The following ERC2 variants were observed in gnomAD, a reference collection of about 807,000 sequenced individuals.
ERC2 encodes ELKS/RAB6-interacting/CAST family member 2.
A neutral mutation model predicts 114.8 loss-of-function variants in ERC2; 42 were observed. The observed-to-expected ratio is 0.37, with a 90% CI of 0.29 to 0.47. ERC2 has a LOEUF of 0.47. Ranked by LOEUF, ERC2 falls within the 20% of genes least tolerant of loss-of-function variation. The pLI, the probability that ERC2 is intolerant of heterozygous loss-of-function variation, is 0.99. For missense variants in ERC2, 939 were observed against 1,150.7 expected (o/e 0.82, Z 2.66); for synonymous variants, 454 against 425.5 (o/e 1.07, Z -0.82).
At chr3:55,594,011 C>A (rs1431828260) in intron 17 of ERC2, among the ~76,000 whole-genome samples, 1 of 152,164 alleles carries the variant, frequency 6.6e-6, no homozygotes, top group Non-Finnish European at 1.5e-5. Flanking sequence ...CATCCTCACC[C>A]TCACTTTCAT....
chr3:56,361,313 A>T, intron 2 of ERC2, among the ~76,000 whole-genome samples: 1 of 152,186 alleles, frequency 6.6e-6, no homozygotes, highest in East Asian at 1.9e-4. Flanking sequence ...CTGACATGAA[A>T]CATGAAGAAA....
At chr3:55,650,664 A>C (rs984483214) in intron 17 of ERC2, among the ~76,000 whole-genome samples, 2 of 152,184 alleles carry the variant, frequency 1.3e-5, no homozygotes, top group Admixed American at 6.5e-5. Flanking sequence ...AGACTGGCAA[A>C]AAGTAGGTGC....
At chr3:56,035,966 A>C (rs1242382563) in intron 7 of ERC2, among the ~76,000 whole-genome samples, 2 of 152,198 alleles carry the variant, frequency 1.3e-5, no homozygotes, top group African/African-American at 4.8e-5. Flanking sequence ...TCCTCAACAA[A>C]AGACTAGCAA....
chr3:56,395,290 A>G (rs148455637), intron 2 of ERC2, among the ~76,000 whole-genome samples: 150 of 152,376 alleles, frequency 9.8e-4, no homozygotes, highest in African/African-American at 3.5e-3. Flanking sequence ...TATGTGAATT[A>G]CATTTCATAA....
intron 14 of ERC2, among the ~76,000 whole-genome samples, chr3:55,765,095 T>C (rs1300339637): frequency 6.6e-6 from 1 of 152,070 alleles, no homozygotes; most frequent in East Asian, 1.9e-4. Flanking sequence ...GAAAAATAGG[T>C]CAAAACTGAG....
intron 11 of ERC2, 148 bp from the exon 12 acceptor site, chr3:55,986,136 A>T: frequency 1.4e-6 from 1 of 712,892 alleles, no homozygotes; most frequent in Non-Finnish European, 2.3e-6. Flanking sequence ...TAAACGAAGC[A>T]AACTTTTATC....
At chr3:55,639,676 C>A (rs554415048) in intron 17 of ERC2, among the ~76,000 whole-genome samples, 1 of 152,148 alleles carries the variant, frequency 6.6e-6, no homozygotes, top group Admixed American at 6.5e-5. Flanking sequence ...GATTTCGATC[C>A]TTATATTTAG....
chr3:56,244,191 G>A (rs142168392), intron 3 of ERC2, among the ~76,000 whole-genome samples: 12 of 152,158 alleles, frequency 7.9e-5, no homozygotes, highest in East Asian at 3.9e-4. Context: ...CATCGCCTTC[G>A]TGAAACAGCA....
chr3:56,118,853 G>A (rs948460070), intron 6 of ERC2, among the ~76,000 whole-genome samples: 37 of 152,006 alleles, frequency 2.4e-4, no homozygotes, highest in African/African-American at 8.5e-4. Context: ...AACCAGGATG[G>A]TCTTGATCTC....
intron 15 of ERC2, among the ~76,000 whole-genome samples, chr3:55,729,081 T>C (rs955459968): frequency 6.6e-6 from 1 of 152,162 alleles, no homozygotes; most frequent in Non-Finnish European, 1.5e-5. Flanking sequence ...GCCCTCCCTG[T>C]TCTGAGGCTG....
At chr3:55,511,640 C>T (rs535397223) in intron 17 of ERC2, among the ~76,000 whole-genome samples, 1 of 152,282 alleles carries the variant, frequency 6.6e-6, no homozygotes, top group South Asian at 2.1e-4. Flanking sequence ...TCTCTCTACG[C>T]TTTTCTACAA....
chr3:56,358,456 G>GT (rs888364473), intron 2 of ERC2, among the ~76,000 whole-genome samples: 10 of 152,014 alleles, frequency 6.6e-5, no homozygotes, highest in Non-Finnish European at 1.2e-4. Context: ...GGTCTTCTGA[G>GT]TTTTTTTTAG....
intron 13 of ERC2, among the ~76,000 whole-genome samples, chr3:55,891,156 T>A (rs1022977041): frequency 2.6e-5 from 4 of 152,192 alleles, no homozygotes; most frequent in African/African-American, 9.6e-5. Context: ...TTGAATTGGG[T>A]GTGGCTTTGG....
intron 3 of ERC2, among the ~76,000 whole-genome samples, chr3:56,204,296 T>A (rs1235303450): frequency 6.6e-6 from 1 of 152,082 alleles, no homozygotes; most frequent in Non-Finnish European, 1.5e-5. Context: ...TACTCTCATC[T>A]CCCAACATGG....
At chr3:55,702,459 GT>G (rs1189406915) in intron 15 of ERC2, among the ~76,000 whole-genome samples, 1 of 152,198 alleles carries the variant, frequency 6.6e-6, no homozygotes, top group East Asian at 1.9e-4. Context: ...TTACCGGCTA[GT>G]TGCTGGTGTT....
intron 11 of ERC2, among the ~76,000 whole-genome samples, chr3:55,986,351 AT>A (rs746455580): frequency 5.3e-5 from 8 of 152,218 alleles, no homozygotes; most frequent in Non-Finnish European, 8.8e-5. Flanking sequence ...TGCATATAAA[AT>A]TTTATTATTT....
At chr3:55,836,769 TA>T (rs2060906322) in intron 14 of ERC2, among the ~76,000 whole-genome samples, 1 of 152,028 alleles carries the variant, frequency 6.6e-6, no homozygotes, top group Non-Finnish European at 1.5e-5. Context: ...CTAATTAAAC[TA>T]AAGAGCTTCT....
intron 17 of ERC2, chr3:55,657,287 T>C (rs958149728): frequency 2.6e-5 from 4 of 152,118 alleles, no homozygotes; most frequent in African/African-American, 9.7e-5. Context: ...GTAAGGCAAC[T>C]TGGCAGATCT....
chr3:56,323,828 C>T (rs145792321), intron 2 of ERC2, among the ~76,000 whole-genome samples: 158 of 152,270 alleles, frequency 1.0e-3, no homozygotes, highest in Middle Eastern at 3.4e-3. Flanking sequence ...ACATGTTTTC[C>T]ATCATAGAAT....
Sources: gnomAD v4.1 joint callset for allele counts (sites outside exome capture counted in the v4.1 genomes callset) on GRCh38, gnomAD v4.1.1 for gene constraint, MANE v1.5 for transcripts, NCBI Gene and HGNC (gene_info 2026-07-23, HGNC 2026-07-21) for gene names.